FIG4: variants seen among roughly 807,000 people sequenced by gnomAD.
FIG4 encodes the protein polyphosphoinositide phosphatase.
In FIG4, 112 loss-of-function variants were observed where a neutral mutation model predicts 118.6. The observed-to-expected ratio is 0.94, with a 90% CI of 0.81 to 1.11. The LOEUF (loss-of-function observed/expected upper bound fraction) is 1.11. Ranked by LOEUF, FIG4 falls within the 50% of genes least tolerant of loss-of-function variation. The pLI is 0.00. For synonymous variants in FIG4, 369 were observed against 381.2 expected, an observed-to-expected ratio of 0.97 and a Z score of 0.37; for missense variants, 969 against 1,111.7, an observed-to-expected ratio of 0.87 and a Z score of 1.83.
intron 22 of FIG4, among the ~76,000 whole-genome samples, chr6:109,815,162 GTTTATTTGA>G (rs1778825680): frequency 6.6e-6 from 1 of 152,028 alleles, no homozygotes; most frequent in South Asian, 2.1e-4. Context: ...CCCTCGTTAT[GTTTATTTGA>G]TTTATTCCCC....
At chr6:109,777,705 T>C (rs747246438) in intron 16 of FIG4, among the ~76,000 whole-genome samples, 3 of 152,242 alleles carry the variant, frequency 2.0e-5, no homozygotes, top group Non-Finnish European at 4.4e-5. Flanking sequence ...ACCACTCACA[T>C]GCTTGAGTCA....
At chr6:109,756,225 G>T (rs1402042169) in intron 10 of FIG4, among the ~76,000 whole-genome samples, 1 of 152,042 alleles carries the variant, frequency 6.6e-6, no homozygotes, top group Non-Finnish European at 1.5e-5. Context: ...TGAAATTCTG[G>T]GTTGAAAATT....
chr6:109,702,315 T>C (rs145712298), intron 1 of FIG4, among the ~76,000 whole-genome samples: 1 of 152,228 alleles, frequency 6.6e-6, no homozygotes, highest in Admixed American at 6.5e-5. Flanking sequence ...ATTTCACATA[T>C]ATATTTTAGA....
chr6:109,825,316 C>T lies in FIG4; in HGVS notation c.*51C>T, dbSNP rs767546320. The stretch of plus-strand genomic sequence containing the variant: ...CACGTCTGATTAGCTTAGAACCTGT[C>T]TTGTCTCATCTTCAAAAGGTAACTT... On this transcript the variant is annotated 3_prime_UTR_variant, in exon 23 of 23. Coordinates refer to ENST00000230124, the MANE Select transcript of FIG4 (RefSeq NM_014845.6). 1.3e-6 allele frequency: 2 copies of T among 1,516,778 alleles called. No homozygotes were observed. Among genetic ancestry groups the T allele is most frequent in the Non-Finnish European group, 1.8e-6 (2 of 1,092,834 alleles). 94.0% of individuals were successfully genotyped at this position (1,516,778 alleles called of 1,614,324 possible). A position where few individuals can be genotyped will look rare whatever the true frequency, so the allele number is the denominator to read the frequency against.
chr6:109,786,970 A>G (rs181867801), intron 18 of FIG4, among the ~76,000 whole-genome samples: 1 of 152,264 alleles, frequency 6.6e-6, no homozygotes, highest in East Asian at 1.9e-4. Flanking sequence ...TGATTGATAA[A>G]TGGTAGCTAT....
At chr6:109,776,865 CTT>C in intron 15 of FIG4, 55 bp from the exon 16 acceptor site, 3 of 1,382,684 alleles carry the variant, frequency 2.2e-6, no homozygotes, top group South Asian at 2.3e-5. Flanking sequence ...AAAATATTCT[CTT>C]GAGTTATATA....
intron 3 of FIG4, among the ~76,000 whole-genome samples, chr6:109,720,417 G>C (rs773520532): frequency 1.3e-5 from 2 of 152,160 alleles, no homozygotes; most frequent in African/African-American, 2.4e-5. Flanking sequence ...ATGCTGAATT[G>C]GTGGAAAATA....
chr6:109,763,094 G>C (rs947068346), intron 12 of FIG4, among the ~76,000 whole-genome samples: 2 of 152,226 alleles, frequency 1.3e-5, no homozygotes, highest in South Asian at 2.1e-4. Context: ...TGGAGACTCT[G>C]TTTTTTTACT....
At chr6:109,810,812 A>G (rs570708600) in intron 22 of FIG4, among the ~76,000 whole-genome samples, 1 of 152,314 alleles carries the variant, frequency 6.6e-6, no homozygotes, top group East Asian at 1.9e-4. Context: ...CGTTCTGAAA[A>G]AGGTAAGTTT....
At chr6:109,761,546 C>G (rs532973832) in intron 11 of FIG4, among the ~76,000 whole-genome samples, 39 of 152,220 alleles carry the variant, frequency 2.6e-4, no homozygotes, top group African/African-American at 9.4e-4. Context: ...CCACCACGCC[C>G]GGCTAATTTT....
intron 6 of FIG4, 34 bp downstream of exon 6, chr6:109,735,332 T>A: frequency 6.4e-7 from 1 of 1,566,946 alleles, no homozygotes; most frequent in Non-Finnish European, 8.8e-7. Flanking sequence ...TGTATATTAA[T>A]GTGGTATCCA....
chr6:109,814,392 T>A (rs138814416), intron 22 of FIG4, among the ~76,000 whole-genome samples: 1 of 152,168 alleles, frequency 6.6e-6, no homozygotes, highest in Non-Finnish European at 1.5e-5. Context: ...CCCTCCTGCC[T>A]CAGCCTCCCA....
intron 7 of FIG4, among the ~76,000 whole-genome samples, chr6:109,739,995 T>C (rs964682685): frequency 2.0e-4 from 31 of 152,134 alleles, no homozygotes. Context: ...CACTTGAAAA[T>C]CAGGCTCATT....
rs1478194275 is a variant in FIG4, at chr6:109,822,783, GTATGTATATATATATATATA to G, written c.2547-2301_2547-2282del. Among the ~76,000 whole-genome samples, 18 of 120,682 alleles carry G rather than the reference GTATGTATATATATATATATA, an allele frequency of 1.5e-4. 1 individual carries two copies. Among genetic ancestry groups the G allele is most frequent in the African/African-American group, 5.3e-4 (15 of 28,288 alleles). 79.2% of individuals were successfully genotyped at this position (120,682 alleles called of 152,430 possible). A position where few individuals can be genotyped will look rare whatever the true frequency, so the allele number is the denominator to read the frequency against. On this transcript the variant is annotated intron_variant, in intron 22 of 22. Transcript: ENST00000230124. ...GAAGTGTATATATATGTGTGTGTGT[GTATGTATATATATATATATA>G]TATATATATATATATATATATATAT...
intron 15 of FIG4, among the ~76,000 whole-genome samples, chr6:109,772,873 G>A (rs1283689779): frequency 6.6e-6 from 1 of 152,218 alleles, no homozygotes; most frequent in African/African-American, 2.4e-5. Context: ...TTACTGAGCT[G>A]TATTCTCTGC....
intron 22 of FIG4, among the ~76,000 whole-genome samples, chr6:109,816,785 T>G (rs1168522993): frequency 6.6e-6 from 1 of 152,238 alleles, no homozygotes; most frequent in Non-Finnish European, 1.5e-5. Flanking sequence ...AGTGTAATGA[T>G]GTGACATGAC....
chr6:109,757,074 C>T (rs1013207871), intron 10 of FIG4, among the ~76,000 whole-genome samples: 26 of 152,154 alleles, frequency 1.7e-4, no homozygotes, highest in African/African-American at 5.8e-4. Context: ...ATTCGGCCAT[C>T]TTGGCTCCTC....
Position 109,703,948 on chromosome 6 carries a change from T to C in FIG4, c.67-11130T>C, listed in dbSNP as rs144753364. Among the ~76,000 whole-genome samples, 435 of 152,322 alleles carry C rather than the reference T, an allele frequency of 2.9e-3. 2 individuals carry two copies. Among genetic ancestry groups the C allele is most frequent in the Non-Finnish European group, 4.6e-3 (315 of 68,036 alleles). ...ATGGAGTTCCTCAGGCTAGCTTTTT[T>C]GGGCTCTCGTCACTCTCCCTACTCT... On this transcript the variant is annotated intron_variant, in intron 1 of 22. Transcript: ENST00000230124.
Position 109,729,196 on chromosome 6 carries a change from C to T in FIG4, c.446+1931C>T, listed in dbSNP as rs573172068. Among the ~76,000 whole-genome samples the T allele has an allele frequency of 2.0e-5, 3 of 152,232 alleles. No homozygotes were observed. In the South Asian group the frequency reaches 6.2e-4, roughly 32 times the overall value. ...ACCAATGTTAGAAAATTTACTAGAA[C>T]AGTTCACCACATTAAAATATTGCTG... On this transcript the variant is annotated intron_variant, in intron 4 of 22. Transcript: ENST00000230124.
Sources: allele counts gnomAD v4.1 joint callset (sites outside exome capture counted in the v4.1 genomes callset), GRCh38; gene constraint gnomAD v4.1.1; transcripts MANE v1.5; gene names NCBI Gene and HGNC (gene_info 2026-07-23, HGNC 2026-07-21).